Variants in DNAI4 observed in about 807,000 individuals in gnomAD.
DNAI4 encodes dynein axonemal intermediate chain 4.
A neutral mutation model predicts 105.8 loss-of-function variants in DNAI4; 85 were observed. The observed-to-expected ratio is 0.80, with a 90% CI of 0.67 to 0.96. DNAI4 has a LOEUF of 0.96. Among genes scored for constraint, DNAI4 ranks in the 40% least tolerant of loss-of-function variants. The probability of loss-of-function intolerance (pLI) is 0.00; values close to 1 mark genes in which losing one functional copy is unlikely to be tolerated. For missense variants in DNAI4, 1,014 were observed against 1,005.6 expected (o/e 1.01, Z -0.11); for synonymous variants, 352 against 331.5 (o/e 1.06, Z -0.67).
intron 1 of DNAI4, among the ~76,000 whole-genome samples, chr1:66,913,526 A>G (rs1197783336): frequency 6.6e-6 from 1 of 152,158 alleles, no homozygotes; most frequent in Non-Finnish European, 1.5e-5. Flanking sequence ...GTACCCTGGG[A>G]CCTCGTGGAA....
At chr1:66,920,654 T>C (rs1650410053) in intron 1 of DNAI4, among the ~76,000 whole-genome samples, 1 of 152,014 alleles carries the variant, frequency 6.6e-6, no homozygotes, top group Admixed American at 6.5e-5. Flanking sequence ...GAGCAGCGAG[T>C]GAGTGGAGTT....
chr1:66,873,238 CTTT>C (rs754563033), intron 5 of DNAI4, among the ~76,000 whole-genome samples: 3 of 139,566 alleles, frequency 2.1e-5, no homozygotes, highest in Non-Finnish European at 3.1e-5. Context: ...CTTCTTCTTC[CTTT>C]TTTTTTTTTT....
At position 66,918,748 on chromosome 1, in the gene DNAI4, C is replaced by G. The variant is rs192232934; in HGVS notation, c.170+5914G>C. ...CTAGCCATGAGAGATCAGATAAAAC[C>G]TGAGACCAGAGACTCATTTTCTTCT... On this transcript the variant is annotated intron_variant, in intron 1 of 16. Coordinates refer to ENST00000371026, the MANE Select transcript of DNAI4 (RefSeq NM_024763.5). Among the ~76,000 whole-genome samples the G allele has an allele frequency of 3.2e-3, 486 of 152,212 alleles. 2 individuals carry two copies. Among genetic ancestry groups the G allele is most frequent in the Non-Finnish European group, 5.3e-3 (361 of 68,010 alleles).
At chr1:66,834,340 CA>C (rs1281753332) in intron 11 of DNAI4, among the ~76,000 whole-genome samples, 192 bp from the exon 12 acceptor site, 1 of 151,904 alleles carries the variant, frequency 6.6e-6, no homozygotes. Flanking sequence ...ACTTAATACT[CA>C]CTGTTATTTT....
At chr1:66,866,388 C>T (rs950320854) in intron 6 of DNAI4, among the ~76,000 whole-genome samples, 1 of 151,954 alleles carries the variant, frequency 6.6e-6, no homozygotes, top group African/African-American at 2.4e-5. Flanking sequence ...CCTAAGTATT[C>T]TGTCCTCAGG....
At chr1:66,896,130 A>G (rs1017472237) in intron 2 of DNAI4, among the ~76,000 whole-genome samples, 23 of 152,216 alleles carry the variant, frequency 1.5e-4, no homozygotes, top group African/African-American at 5.1e-4. Context: ...TGTTTGACAC[A>G]TACCACAATT....
rs1645447235 is a variant in DNAI4, at chr1:66,812,942, A to G, written c.*1188T>C. The G allele has an allele frequency of 6.6e-6, 1 of 152,338 alleles. No individual in the cohort carries two copies. Among genetic ancestry groups the G allele is most frequent in the Non-Finnish European group, 1.5e-5 (1 of 68,040 alleles). The allele number at this position is 152,338 out of a possible 1,614,324, so 9.4% of individuals were successfully genotyped here. A position where few individuals can be genotyped will look rare whatever the true frequency, so the allele number is the denominator to read the frequency against. On this transcript the variant is annotated 3_prime_UTR_variant, in exon 17 of 17. Transcript: ENST00000371026. ...TACACAAGGTGTTATAGAAAATCCA[A>G]TCTTTCAGAAAGACAAAAACAAAGA...
intron 4 of DNAI4, among the ~76,000 whole-genome samples, chr1:66,883,165 A>G (rs1647114417): frequency 6.7e-6 from 1 of 148,382 alleles, no homozygotes; most frequent in Admixed American, 6.7e-5. Flanking sequence ...TATTGGTGCC[A>G]GGAAGTTTTC....
At chr1:66,833,555 C>T (rs1645913680) in intron 13 of DNAI4, 30 bp downstream of exon 13, 1 of 1,609,010 alleles carries the variant, frequency 6.2e-7, no homozygotes, top group Admixed American at 1.7e-5. Context: ...ATTGTTATGT[C>T]CAGTGGTAAA....
At chr1:66,899,003 T>C (rs916188778) in intron 2 of DNAI4, among the ~76,000 whole-genome samples, 1 of 152,238 alleles carries the variant, frequency 6.6e-6, no homozygotes, top group Non-Finnish European at 1.5e-5. Context: ...TTTACCCACT[T>C]TTCCATTGAT....
intron 8 of DNAI4, among the ~76,000 whole-genome samples, chr1:66,845,137 G>A (rs955375976): frequency 8.5e-6 from 1 of 117,092 alleles, no homozygotes; most frequent in Admixed American, 1.0e-4. Flanking sequence ...GTTGCAGTGA[G>A]CCAAGATCGT....
chr1:66,902,102 A>T (rs1387967027), intron 2 of DNAI4, among the ~76,000 whole-genome samples: 1 of 152,116 alleles, frequency 6.6e-6, no homozygotes, highest in East Asian at 1.9e-4. Flanking sequence ...CAAAGTGCTG[A>T]GATTACAGGT....
intron 16 of DNAI4, among the ~76,000 whole-genome samples, chr1:66,814,425 G>A (rs1172563077): frequency 1.3e-5 from 2 of 151,978 alleles, no homozygotes; most frequent in Non-Finnish European, 1.5e-5. Flanking sequence ...CTGGAGTGCA[G>A]TGGTGCAATC....
At chr1:66,866,647 CT>C (rs1646740457) in intron 6 of DNAI4, among the ~76,000 whole-genome samples, 1 of 151,904 alleles carries the variant, frequency 6.6e-6, no homozygotes, top group Non-Finnish European at 1.5e-5. Context: ...TCCTTGACTT[CT>C]TGAAAAAATA....
chr1:66,866,225 C>T (rs1233879921), intron 6 of DNAI4, among the ~76,000 whole-genome samples: 3 of 150,814 alleles, frequency 2.0e-5, no homozygotes, highest in Non-Finnish European at 2.9e-5. Context: ...GAGAATCACT[C>T]GAATCCAGGA....
At chr1:66,819,220 G>C (rs184609478) in intron 16 of DNAI4, among the ~76,000 whole-genome samples, 13 of 152,070 alleles carry the variant, frequency 8.5e-5, no homozygotes, top group African/African-American at 3.1e-4. Flanking sequence ...ATCTTTGCTC[G>C]AGATTTTCCC....
intron 8 of DNAI4, among the ~76,000 whole-genome samples, chr1:66,845,699 G>A (rs541885290): frequency 6.6e-6 from 1 of 152,202 alleles, no homozygotes; most frequent in Non-Finnish European, 1.5e-5. Context: ...ACTTATACAT[G>A]CATCAACCTA....
At chr1:66,870,502 G>C (rs1646820562) in intron 6 of DNAI4, among the ~76,000 whole-genome samples, 1 of 149,864 alleles carries the variant, frequency 6.7e-6, no homozygotes, top group Non-Finnish European at 1.5e-5. Context: ...TGTAATCCCA[G>C]CACTTTGGGA....
intron 4 of DNAI4, among the ~76,000 whole-genome samples, chr1:66,882,763 TG>T (rs1315781655): frequency 1.3e-5 from 2 of 152,024 alleles, no homozygotes; most frequent in African/African-American, 2.4e-5. Flanking sequence ...AGAGTTGGGC[TG>T]GCTGTTTTAA....
Sources: allele counts gnomAD v4.1 joint callset (sites outside exome capture counted in the v4.1 genomes callset), GRCh38; gene constraint gnomAD v4.1.1; transcripts MANE v1.5; gene names NCBI Gene and HGNC (gene_info 2026-07-23, HGNC 2026-07-21).